Variants in FERMT2 observed in about 807,000 individuals in gnomAD.
FERMT2 encodes the protein fermitin family homolog 2.
In FERMT2, 15 loss-of-function variants were observed where a neutral mutation model predicts 82.7. That is an observed-to-expected ratio of 0.18 (90% confidence interval 0.12 to 0.28). The LOEUF is 0.28. FERMT2 is among the 10% of genes least tolerant of loss of function. The pLI is 1.00. For synonymous variants in FERMT2, 274 were observed against 271.5 expected, an observed-to-expected ratio of 1.01 and a Z score of -0.09; for missense variants, 645 against 809.4, an observed-to-expected ratio of 0.80 and a Z score of 2.46.
At chr14:52,880,296 G>A (rs186044092) in intron 6 of FERMT2, among the ~76,000 whole-genome samples, 17 of 152,292 alleles carry the variant, frequency 1.1e-4, no homozygotes, top group Admixed American at 3.3e-4. Context: ...CTTTTGGCAC[G>A]TAATTAGTAA....
intron 12 of FERMT2, chr14:52,860,728 C>T: frequency 1.8e-6 from 1 of 555,686 alleles, no homozygotes; most frequent in Non-Finnish European, 3.1e-6. Context: ...GAGACATATT[C>T]CAAATGCATA....
intron 2 of FERMT2, among the ~76,000 whole-genome samples, chr14:52,942,447 C>T (rs1340755937): frequency 6.6e-6 from 1 of 151,758 alleles, no homozygotes; most frequent in African/African-American, 2.4e-5. Flanking sequence ...CAACTACAGG[C>T]GCCCACCACC....
intron 4 of FERMT2, among the ~76,000 whole-genome samples, chr14:52,890,912 T>C (rs1319143430): frequency 6.6e-6 from 1 of 152,164 alleles, no homozygotes; most frequent in Non-Finnish European, 1.5e-5. Context: ...GCCCCTTTTA[T>C]TCTCTTTTAC....
At chr14:52,884,379 A>G (rs1886467706) in intron 4 of FERMT2, among the ~76,000 whole-genome samples, 1 of 152,102 alleles carries the variant, frequency 6.6e-6, no homozygotes, top group South Asian at 2.1e-4. Context: ...AGGTGGGCAG[A>G]CTGCCTGAGG....
intron 2 of FERMT2, among the ~76,000 whole-genome samples, chr14:52,947,307 G>A (rs1368076581): frequency 2.0e-5 from 3 of 152,040 alleles, no homozygotes; most frequent in Non-Finnish European, 4.4e-5. Flanking sequence ...GTGAAACCCC[G>A]TCTCTACTAA....
chr14:52,878,397 T>C (rs527303655), intron 7 of FERMT2, among the ~76,000 whole-genome samples, 185 bp downstream of exon 7: 37 of 152,212 alleles, frequency 2.4e-4, no homozygotes, highest in Non-Finnish European at 4.9e-4. Flanking sequence ...CACTGAACTC[T>C]TGGAAAAGAT....
chr14:52,914,040 C>T (rs1888476195), intron 3 of FERMT2, among the ~76,000 whole-genome samples: 1 of 151,940 alleles, frequency 6.6e-6, no homozygotes, highest in South Asian at 2.1e-4. Context: ...AATTCCCATG[C>T]ATTCTTGAGT....
intron 3 of FERMT2, among the ~76,000 whole-genome samples, chr14:52,897,261 A>C (rs1887340048): frequency 6.6e-6 from 1 of 152,200 alleles, no homozygotes; most frequent in South Asian, 2.1e-4. Flanking sequence ...AGCCCATTAT[A>C]AATAATATTT....
At position 52,920,818 on chromosome 14, in the gene FERMT2, C is replaced by A. The variant is rs182690183; in HGVS notation, c.158-1462G>T. Reference sequence around the variant, plus strand: ...AAATTAGCTGGGCATGGTACATGTGCCTGTAGTCCCTGCTACTCAGGTGGC... The same window carrying A: ...AAATTAGCTGGGCATGGTACATGTGACTGTAGTCCCTGCTACTCAGGTGGC... On this transcript the variant is annotated intron_variant, in intron 2 of 14. Coordinates refer to ENST00000341590, the MANE Select transcript of FERMT2 (RefSeq NM_006832.3). 6.8e-3 allele frequency among the ~76,000 whole-genome samples: 1,036 copies of A among 152,140 alleles called. 19 individuals are homozygous for A. The highest frequency in any genetic ancestry group is 0.024 in the African/African-American group (982 of 41,500).
intron 2 of FERMT2, among the ~76,000 whole-genome samples, chr14:52,923,730 T>TG (rs1009793211): frequency 3.9e-5 from 6 of 151,952 alleles, no homozygotes; most frequent in African/African-American, 1.5e-4. Context: ...TCTTACTGAC[T>TG]GGCAACGCTG....
chr14:52,870,209 T>C (rs1015256711), intron 10 of FERMT2, among the ~76,000 whole-genome samples: 1 of 151,720 alleles, frequency 6.6e-6, no homozygotes, highest in African/African-American at 2.4e-5. Flanking sequence ...CTCCCAGTCC[T>C]GCAAGCCCCA....
At chr14:52,871,703 A>C (rs1197737791) in intron 10 of FERMT2, 1 of 152,300 alleles carries the variant, frequency 6.6e-6, no homozygotes, top group Non-Finnish European at 1.5e-5. Context: ...AAAAGGAAAA[A>C]CAAAATCCAA....
intron 2 of FERMT2, among the ~76,000 whole-genome samples, chr14:52,923,379 A>G (rs981175780): frequency 2.0e-5 from 3 of 152,190 alleles, no homozygotes; most frequent in Non-Finnish European, 4.4e-5. Context: ...AAAGCCCAAA[A>G]GCCCAAAATA....
chr14:52,890,198 C>T (rs1305105214), intron 4 of FERMT2, among the ~76,000 whole-genome samples: 1 of 150,756 alleles, frequency 6.6e-6, no homozygotes, highest in Non-Finnish European at 1.5e-5. Flanking sequence ...TTTGGGAGGC[C>T]GAGGCAGGTG....
chr14:52,870,667 C>T (rs758121735), intron 10 of FERMT2, among the ~76,000 whole-genome samples: 3 of 152,174 alleles, frequency 2.0e-5, no homozygotes, highest in East Asian at 3.9e-4. Flanking sequence ...TAGGAGCAAT[C>T]GGCTATACCA....
chr14:52,943,962 C>T (rs968882699), intron 2 of FERMT2, among the ~76,000 whole-genome samples: 1 of 152,116 alleles, frequency 6.6e-6, no homozygotes, highest in Non-Finnish European at 1.5e-5. Context: ...AATAAGTTAA[C>T]TCTAGTTGGA....
intron 3 of FERMT2, among the ~76,000 whole-genome samples, chr14:52,896,914 T>C (rs974562981): frequency 6.6e-6 from 1 of 151,764 alleles, no homozygotes; most frequent in African/African-American, 2.4e-5. Context: ...GAAGACTGCC[T>C]GAGCCTGGAA....
chr14:52,909,786 C>T (rs958156499), intron 3 of FERMT2, among the ~76,000 whole-genome samples: 8 of 151,690 alleles, frequency 5.3e-5, no homozygotes, highest in African/African-American at 1.9e-4. Context: ...ATTTAAAAAT[C>T]CCTCATGCCT....
At position 52,878,672 on chromosome 14, in the gene FERMT2, G is replaced by C. The variant is rs1378757576; in HGVS notation, c.873C>G (p.Ile291Met). ...ATTTGGCCTGCTCGTAAAGCTGATT[G>C]ATTCTGATTGCATCATACTGCAACA... ...DLNPKYDAIRINQLYEQAKWA... is the reference protein window; with the variant it reads ...DLNPKYDAIRMNQLYEQAKWA... The change falls in exon 7 of 15, where the codon ATC (isoleucine) becomes ATG (methionine). Residue 291 changes from isoleucine (I) to methionine (M), a missense_variant. Transcript: ENST00000341590. 1 of 1,577,958 alleles carries C rather than the reference G, an allele frequency of 6.3e-7. No individual in the cohort carries two copies. The highest frequency in any genetic ancestry group is 1.7e-5 in the Admixed American group (1 of 57,470).
Sources: allele counts gnomAD v4.1 joint callset (sites outside exome capture counted in the v4.1 genomes callset), GRCh38; gene constraint gnomAD v4.1.1; transcripts MANE v1.5; gene names NCBI Gene and HGNC (gene_info 2026-07-23, HGNC 2026-07-21).